The following LRRC37B variants were observed in gnomAD, a reference collection of about 807,000 sequenced individuals.
LRRC37B encodes the protein leucine-rich repeat-containing protein 37B.
A neutral mutation model predicts 98.3 loss-of-function variants in LRRC37B; 28 were observed. That is an observed-to-expected ratio of 0.28 (90% confidence interval 0.21 to 0.39). The LOEUF (loss-of-function observed/expected upper bound fraction) is 0.39, where lower values mean the gene tolerates loss of function less well. Among genes scored for constraint, LRRC37B ranks in the 10% least tolerant of loss-of-function variants. The probability of loss-of-function intolerance (pLI) is 1.00; values close to 1 mark genes in which losing one functional copy is unlikely to be tolerated. For synonymous variants in LRRC37B, 364 were observed against 442.7 expected, an observed-to-expected ratio of 0.82 and a Z score of 2.23; for missense variants, 938 against 1,182.7, an observed-to-expected ratio of 0.79 and a Z score of 3.03.
intron 3 of LRRC37B, among the ~76,000 whole-genome samples, 174 bp downstream of exon 6, chr17:32,028,014 G>A (rs1400976789): frequency 6.9e-5 from 9 of 131,244 alleles, no homozygotes; most frequent in African/African-American, 1.7e-4. Context: ...TGCATTTTCA[G>A]TTTTTAAATT....
At chr17:32,047,386 T>C (rs1200805759) in intron 8 of LRRC37B, 8 of 285,476 alleles carry the variant, frequency 2.8e-5, no homozygotes, top group Non-Finnish European at 4.8e-5. Flanking sequence ...TCTCTGCATA[T>C]GAGGCAGGAC....
intron 7 of LRRC37B, 103 bp from the exon 11 acceptor site, chr17:32,045,597 G>A: frequency 7.1e-7 from 1 of 1,404,646 alleles, no homozygotes; most frequent in Non-Finnish European, 1.0e-6. Flanking sequence ...ACGGGTCTCA[G>A]TAACACCTCT....
intron 2 of LRRC37B, among the ~76,000 whole-genome samples, chr17:32,025,504 G>A (rs1910928664): frequency 6.6e-6 from 1 of 151,456 alleles, no homozygotes; most frequent in Admixed American, 6.6e-5. Context: ...AAATAGATTT[G>A]TTGTGTGGTT....
At chr17:32,035,038 C>T in intron 6 of LRRC37B, 57 bp downstream of exon 9, 2 of 1,233,510 alleles carry the variant, frequency 1.6e-6, no homozygotes, top group Non-Finnish European at 2.3e-6. Context: ...TTAAATTTGT[C>T]ATCAAAGATA....
intron 7 of LRRC37B, among the ~76,000 whole-genome samples, chr17:32,043,786 C>G (rs538852361): frequency 6.6e-6 from 1 of 152,286 alleles, no homozygotes; most frequent in East Asian, 1.9e-4. Flanking sequence ...CCCCAACTCA[C>G]AGACTTCATG....
exon 10 of LRRC37B, chr17:32,049,331 A>G: frequency 6.2e-7 from 1 of 1,613,504 alleles, no homozygotes; most frequent in Non-Finnish European, 8.5e-7. Context: ...CGGACCAACA[A>G]AAAACAAATT....
exon 1 of LRRC37B, chr17:32,021,564 C>T (rs189879515): frequency 1.0e-4 from 168 of 1,614,150 alleles, no homozygotes; most frequent in Middle Eastern, 8.3e-4. Flanking sequence ...GCTTCTCAAC[C>T]GGGATCAGAA....
At chr17:32,041,578 G>A (rs765459032) in intron 7 of LRRC37B, 14 of 480,456 alleles carry the variant, frequency 2.9e-5, no homozygotes, top group East Asian at 1.2e-4. Flanking sequence ...TGGCACCCCC[G>A]CCAGGTCTCC....
chr17:32,041,373 C>T (rs748088628), intron 7 of LRRC37B: 2 of 754,078 alleles, frequency 2.7e-6, no homozygotes, highest in Non-Finnish European at 4.9e-6. Flanking sequence ...GTATGACTTC[C>T]AGCCTGAGAA....
At chr17:32,017,584 C>T (rs1020953873), upstream of LRRC37B, among the ~76,000 whole-genome samples, 2 of 152,128 alleles carry the variant, frequency 1.3e-5, no homozygotes, top group Non-Finnish European at 2.9e-5. Context: ...ACAGAAGGAT[C>T]ACTTCAAGCT....
At chr17:32,022,360 A>G (rs781186068) in exon 1 of LRRC37B, 2 of 1,613,872 alleles carry the variant, frequency 1.2e-6, no homozygotes, top group Admixed American at 1.7e-5. Flanking sequence ...GACAAGGGTC[A>G]GGCTCAGCAT....
chr17:32,010,252 A>G (rs1267063834), intron 1 of LRRC37B, among the ~76,000 whole-genome samples: 1 of 152,260 alleles, frequency 6.6e-6, no homozygotes, highest in Admixed American at 6.5e-5. Context: ...CCATTGTAGC[A>G]ATGAAAGCAG....
At chr17:32,013,673 G>A (rs551627547) in intron 1 of LRRC37B, among the ~76,000 whole-genome samples, 1 of 151,332 alleles carries the variant, frequency 6.6e-6, no homozygotes, top group East Asian at 1.9e-4. Context: ...AACCATATAG[G>A]TTTCTTTATT....
intron 2 of LRRC37B, among the ~76,000 whole-genome samples, chr17:32,026,317 C>T (rs1567614787): frequency 6.6e-6 from 1 of 152,196 alleles, no homozygotes; most frequent in Admixed American, 6.5e-5. Flanking sequence ...GAGTTTGAGA[C>T]CAGCCTGGCC....
At chr17:32,029,127 G>A (rs1190607090) in intron 3 of LRRC37B, among the ~76,000 whole-genome samples, 9 of 151,756 alleles carry the variant, frequency 5.9e-5, no homozygotes, top group South Asian at 4.2e-4. Flanking sequence ...TCAACCTCCC[G>A]AGTAGCTGCA....
chr17:32,022,731 G>A, exon 1 of LRRC37B: 1 of 1,614,034 alleles, frequency 6.2e-7, no homozygotes. Flanking sequence ...CTGCGGAGAT[G>A]AGACTCTGTC....
intron 7 of LRRC37B, among the ~76,000 whole-genome samples, chr17:32,038,950 C>G (rs569010756): frequency 1.3e-5 from 2 of 152,244 alleles, no homozygotes; most frequent in East Asian, 3.9e-4. Flanking sequence ...GCAATTTTTT[C>G]TTATATGGCT....
chr17:32,047,852 G>A (rs1474326035), exon 9 of LRRC37B: 1 of 1,614,156 alleles, frequency 6.2e-7, no homozygotes, highest in Non-Finnish European at 8.5e-7. Flanking sequence ...TGACTATTGA[G>A]TCGGAGGCGC....
At chr17:32,031,178 G>A (rs965159784) in intron 4 of LRRC37B, among the ~76,000 whole-genome samples, 200 bp from the exon 8 acceptor site, 9 of 152,134 alleles carry the variant, frequency 5.9e-5, no homozygotes, top group South Asian at 4.1e-4. Context: ...TTTACTGAGC[G>A]TTCACTGTTT....
Sources: allele counts gnomAD v4.1 joint callset (sites outside exome capture counted in the v4.1 genomes callset), GRCh38; gene constraint gnomAD v4.1.1; transcripts MANE v1.5; gene names NCBI Gene and HGNC (gene_info 2026-07-23, HGNC 2026-07-21).